GNG12: variants seen among roughly 807,000 people sequenced by gnomAD.
GNG12 encodes G protein subunit gamma 12, also known as guanine nucleotide-binding protein G(I)/G(S)/G(O) subunit gamma-12.
For synonymous variants in GNG12, 28 were observed against 29.7 expected (o/e 0.94, Z 0.19); for missense variants, 69 against 83.8 (o/e 0.82, Z 0.69).
At chr1:67,784,246 C>T (rs1646754442) in intron 1 of GNG12, among the ~76,000 whole-genome samples, 1 of 144,580 alleles carries the variant, frequency 6.9e-6, no homozygotes, top group Non-Finnish European at 1.5e-5. Context: ...TATTCTCACT[C>T]ATAGGTGGGA....
intron 1 of GNG12, among the ~76,000 whole-genome samples, chr1:67,818,803 T>C (rs1646969225): frequency 6.6e-6 from 1 of 152,144 alleles, no homozygotes. Flanking sequence ...TCATTTACAT[T>C]TCATAACTTA....
chr1:67,806,138 T>A, intron 1 of GNG12, among the ~76,000 whole-genome samples: 1 of 152,036 alleles, frequency 6.6e-6, no homozygotes, highest in Non-Finnish European at 1.5e-5. Flanking sequence ...TAAGAAATGT[T>A]AAAAGAAGTT....
At chr1:67,713,233 T>C (rs926576503) in intron 2 of GNG12, among the ~76,000 whole-genome samples, 5 of 152,236 alleles carry the variant, frequency 3.3e-5, no homozygotes, top group African/African-American at 9.6e-5. Flanking sequence ...GGCCAAGGCC[T>C]GTGCATGCCT....
At chr1:67,788,387 T>C (rs1646781841) in intron 1 of GNG12, among the ~76,000 whole-genome samples, 2 of 152,262 alleles carry the variant, frequency 1.3e-5, no homozygotes, top group South Asian at 2.1e-4. Flanking sequence ...GGCTGGAGTA[T>C]AGTGGTGCGA....
At chr1:67,734,717 C>A (rs1055431780) in intron 2 of GNG12, among the ~76,000 whole-genome samples, 1 of 152,180 alleles carries the variant, frequency 6.6e-6, no homozygotes, top group Non-Finnish European at 1.5e-5. Flanking sequence ...GCCTTGAACT[C>A]CTGAGCTCCA....
intron 2 of GNG12, among the ~76,000 whole-genome samples, chr1:67,750,753 C>T (rs371646578): frequency 6.6e-6 from 1 of 152,206 alleles, no homozygotes; most frequent in Non-Finnish European, 1.5e-5. Flanking sequence ...CCTATATCTA[C>T]TTACATGCAG....
At chr1:67,832,939 G>A (rs1279388136) in intron 1 of GNG12, among the ~76,000 whole-genome samples, 1 of 152,212 alleles carries the variant, frequency 6.6e-6, no homozygotes, top group African/African-American at 2.4e-5. Context: ...AACCCGGCGC[G>A]GGGCGCACGG....
intron 1 of GNG12, among the ~76,000 whole-genome samples, chr1:67,779,389 C>G (rs1646724510): frequency 6.6e-6 from 1 of 152,138 alleles, no homozygotes; most frequent in Non-Finnish European, 1.5e-5. Context: ...CCTGAACCTG[C>G]TGAAAATCCT....
chr1:67,807,834 C>T (rs781227189), intron 1 of GNG12, among the ~76,000 whole-genome samples: 1 of 152,056 alleles, frequency 6.6e-6, no homozygotes, highest in Non-Finnish European at 1.5e-5. Flanking sequence ...CTGTTCAAAA[C>T]AGAAAGCACC....
intron 3 of GNG12, 32 bp downstream of exon 3, chr1:67,707,562 A>G: frequency 8.9e-7 from 1 of 1,126,206 alleles, no homozygotes; most frequent in South Asian, 1.3e-5. Flanking sequence ...AACTGAGCAG[A>G]AAGCATATGT....
intron 1 of GNG12, among the ~76,000 whole-genome samples, chr1:67,803,080 T>G (rs1393633539): frequency 6.6e-6 from 1 of 152,232 alleles, no homozygotes; most frequent in African/African-American, 2.4e-5. Flanking sequence ...TTGCCCCCAC[T>G]AGGGAGTAGA....
intron 2 of GNG12, among the ~76,000 whole-genome samples, chr1:67,716,770 A>G (rs1237976084): frequency 1.3e-5 from 2 of 152,214 alleles, no homozygotes; most frequent in African/African-American, 4.8e-5. Context: ...TTATCCCCAT[A>G]GCAAATCAGC....
Position 67,704,102 on chromosome 1 carries a change from A to G in GNG12, c.*1349T>C, listed in dbSNP as rs1056668581. 1 of 152,262 alleles carries G rather than the reference A, an allele frequency of 6.6e-6. No individual in the cohort carries two copies. The highest frequency in any genetic ancestry group is 1.5e-5 in the Non-Finnish European group (1 of 68,062). 9.4% of individuals were successfully genotyped at this position (152,262 alleles called of 1,614,324 possible). Reference sequence around the variant, plus strand: ...GATTCCTCCTTTTGGGGCTACCCCCATACCTGGAAATTCCAAGAGTGTGAG... The same window carrying G: ...GATTCCTCCTTTTGGGGCTACCCCCGTACCTGGAAATTCCAAGAGTGTGAG... On this transcript the variant is annotated 3_prime_UTR_variant, in exon 4 of 4. Coordinates refer to ENST00000370982, the MANE Select transcript of GNG12 (RefSeq NM_018841.6).
intron 2 of GNG12, among the ~76,000 whole-genome samples, chr1:67,765,319 AC>A (rs1232028639): frequency 1.3e-5 from 2 of 152,174 alleles, no homozygotes; most frequent in Non-Finnish European, 2.9e-5. Context: ...AAGAAAAAAA[AC>A]ATTAAAATTA....
chr1:67,781,608 C>T (rs1557615472), intron 1 of GNG12, among the ~76,000 whole-genome samples: 1 of 152,072 alleles, frequency 6.6e-6, no homozygotes, highest in African/African-American at 2.4e-5. Flanking sequence ...AAGGTCTCTT[C>T]AGCAGCTGTA....
chr1:67,813,645 C>T (rs1448649563), intron 1 of GNG12, among the ~76,000 whole-genome samples: 1 of 151,870 alleles, frequency 6.6e-6, no homozygotes, highest in Non-Finnish European at 1.5e-5. Context: ...TTCACTGATC[C>T]CGCTATACCA....
chr1:67,758,753 A>C (rs1646584719), intron 2 of GNG12, among the ~76,000 whole-genome samples: 1 of 152,220 alleles, frequency 6.6e-6, no homozygotes. Flanking sequence ...GTGTCTTAAA[A>C]ACATTTGCCT....
At chr1:67,787,970 C>CA (rs1646780079) in intron 1 of GNG12, among the ~76,000 whole-genome samples, 1 of 152,200 alleles carries the variant, frequency 6.6e-6, no homozygotes, top group Admixed American at 6.5e-5. Flanking sequence ...TCAGCCTACT[C>CA]AGAGTTTGTG....
At chr1:67,780,308 T>G (rs189725195) in intron 1 of GNG12, among the ~76,000 whole-genome samples, 1 of 152,188 alleles carries the variant, frequency 6.6e-6, no homozygotes, top group Non-Finnish European at 1.5e-5. Flanking sequence ...CAGAGTCAAA[T>G]TGTAAACCCA....
Sources: gnomAD v4.1 joint callset for allele counts (sites outside exome capture counted in the v4.1 genomes callset) on GRCh38, gnomAD v4.1.1 for gene constraint, MANE v1.5 for transcripts, NCBI Gene and HGNC (gene_info 2026-07-23, HGNC 2026-07-21) for gene names.